Variants in MAP6 observed in about 807,000 individuals in gnomAD.
The protein encoded by MAP6 is microtubule-associated protein 6.
In MAP6, 26 loss-of-function variants were observed where a neutral mutation model predicts 42.4. That is an observed-to-expected ratio of 0.61 (90% CI 0.45 to 0.85). The LOEUF (loss-of-function observed/expected upper bound fraction) is 0.85. Among genes scored for constraint, MAP6 ranks in the 40% least tolerant of loss-of-function variants. MAP6 has a pLI of 0.00. For missense variants in MAP6, 966 were observed against 1,099.0 expected (o/e 0.88, Z 1.71); for synonymous variants, 418 against 443.8 (o/e 0.94, Z 0.73).
chr11:75,624,740 T>C (rs573437206), intron 1 of MAP6, among the ~76,000 whole-genome samples: 29 of 152,244 alleles, frequency 1.9e-4, no homozygotes, highest in African/African-American at 7.0e-4. Flanking sequence ...ATCAGGAGAA[T>C]AGTCATGTTC....
In MAP6 at chr11:75,586,942, A is replaced by G; in HGVS notation, c.*117T>C. 1 of 1,154,986 alleles carries G rather than the reference A, an allele frequency of 8.7e-7. No individual in the cohort carries two copies. The highest frequency in any genetic ancestry group is 2.4e-5 in the East Asian group (1 of 41,336). 71.5% of individuals were successfully genotyped at this position (1,154,986 alleles called of 1,614,324 possible). A position where few individuals can be genotyped will look rare whatever the true frequency, so the allele number is the denominator to read the frequency against. On this transcript the variant is annotated 3_prime_UTR_variant, in exon 4 of 4. Transcript: ENST00000304771. ...CTGAGCCAGAGGGACCATTTTTATT[A>G]GATTCCAGCAAGACTACTGTACATG...
At position 75,605,094 on chromosome 11, in the gene MAP6, A is replaced by T. The variant is rs750034581; in HGVS notation, c.1316+714T>A. 243 of 985,352 alleles carry T rather than the reference A, an allele frequency of 2.5e-4. 1 individual carries two copies. Among genetic ancestry groups the T allele is most frequent in the Non-Finnish European group, 2.9e-4 (237 of 829,960 alleles). The allele number at this position is 985,352 out of a possible 1,614,324, so 61.0% of individuals were successfully genotyped here. On this transcript the variant is annotated intron_variant, in intron 3 of 3. Coordinates refer to ENST00000304771, the MANE Select transcript of MAP6 (RefSeq NM_033063.2). ...CTGTGATCTTCCTATGACAGCTGGA[A>T]TGTACCTAAAACACCTAACCTTCTT...
At chr11:75,607,233 C>A in intron 2 of MAP6, 1 of 985,368 alleles carries the variant, frequency 1.0e-6, no homozygotes, top group Non-Finnish European at 1.2e-6. Flanking sequence ...TGGTCCTGGG[C>A]CAAATAGGAA....
intron 1 of MAP6, among the ~76,000 whole-genome samples, chr11:75,646,681 T>C (rs1181654338): frequency 6.6e-6 from 1 of 151,790 alleles, no homozygotes; most frequent in African/African-American, 2.4e-5. Context: ...ACGCCTGTAA[T>C]CCCAGCTAAT....
chr11:75,647,473 GA>G (rs1943580750), intron 1 of MAP6, among the ~76,000 whole-genome samples: 1 of 151,236 alleles, frequency 6.6e-6, no homozygotes, highest in Non-Finnish European at 1.5e-5. Flanking sequence ...AATCAAAGGA[GA>G]AAATATTAGA....
intron 1 of MAP6, among the ~76,000 whole-genome samples, chr11:75,650,081 G>A (rs1261866564): frequency 2.0e-5 from 3 of 152,128 alleles, no homozygotes; most frequent in Admixed American, 1.3e-4. Flanking sequence ...CAGATCCGTC[G>A]TGCTCCTTCC....
At chr11:75,658,707 T>G (rs1365055677) in intron 1 of MAP6, among the ~76,000 whole-genome samples, 1 of 152,226 alleles carries the variant, frequency 6.6e-6, no homozygotes, top group East Asian at 1.9e-4. Context: ...TACCTCCCTC[T>G]TCTGTCCCTT....
At chr11:75,631,425 A>C (rs1267136038) in intron 1 of MAP6, among the ~76,000 whole-genome samples, 1 of 151,976 alleles carries the variant, frequency 6.6e-6, no homozygotes, top group Admixed American at 6.6e-5. Context: ...AATACAGTAG[A>C]CTTTTTTTTT....
intron 1 of MAP6, among the ~76,000 whole-genome samples, chr11:75,631,278 G>A (rs1437748999): frequency 2.0e-5 from 3 of 152,176 alleles, no homozygotes; most frequent in Non-Finnish European, 4.4e-5. Context: ...ATGAGAAAGG[G>A]CTTATGTTTG....
intron 3 of MAP6, chr11:75,603,011 G>C: frequency 1.0e-6 from 1 of 985,774 alleles, no homozygotes; most frequent in Non-Finnish European, 1.2e-6. Flanking sequence ...ATAGCACCAA[G>C]AGAGGTGTGC....
intron 1 of MAP6, among the ~76,000 whole-genome samples, chr11:75,621,568 G>C (rs767400733): frequency 6.6e-6 from 1 of 152,120 alleles, no homozygotes; most frequent in African/African-American, 2.4e-5. Context: ...ATACAGATTA[G>C]AAAAGAAGAC....
chr11:75,647,291 CT>C (rs1215060237), intron 1 of MAP6, among the ~76,000 whole-genome samples: 2 of 120,562 alleles, frequency 1.7e-5, no homozygotes, highest in East Asian at 5.5e-4. Flanking sequence ...CTGAAACTTA[CT>C]TTTTAATTCT....
intron 3 of MAP6, among the ~76,000 whole-genome samples, chr11:75,590,324 G>A (rs1343117821): frequency 6.6e-6 from 1 of 152,170 alleles, no homozygotes; most frequent in Admixed American, 6.5e-5. Flanking sequence ...AGAAAAAAAA[G>A]GGAGCTTAAC....
rs1942398941 is a variant in MAP6, at chr11:75,588,146, T to G, written c.1355A>C (p.Gln452Pro). 6.2e-7 allele frequency: 1 copy of G among 1,613,528 alleles called. No homozygotes were observed. The highest frequency in any genetic ancestry group is 8.5e-7 in the Non-Finnish European group (1 of 1,179,882). ...GTCTGGCTCTGTGGCTACAGGACCT[T>G]GAGTCTTACTTGAATCACTGACGGG... is the stretch of plus-strand genomic sequence containing the variant. ...AQPVSDSSKT[Q>P]GPVATEPDKD... is the part of the protein sequence containing the mutation. The change falls in exon 4 of 4, where the codon CAA becomes CCA. Residue 452 changes from glutamine (Q) to proline (P), a missense_variant. By Grantham distance (76) the Gln-to-Pro change is moderately conservative. Around this residue, in one of 2 missense-constraint regions of MAP6, gnomAD observed 943 missense variants for 1,049.9 expected, o/e 0.90. Coordinates refer to ENST00000304771, the MANE Select transcript of MAP6 (RefSeq NM_033063.2).
intron 1 of MAP6, among the ~76,000 whole-genome samples, chr11:75,618,354 C>A (rs1943039527): frequency 6.6e-6 from 1 of 152,068 alleles, no homozygotes; most frequent in African/African-American, 2.4e-5. Flanking sequence ...CGCCTGTAAT[C>A]CCAGCACTTT....
chr11:75,661,738 CTT>C (rs1943850315), intron 1 of MAP6, among the ~76,000 whole-genome samples: 1 of 151,958 alleles, frequency 6.6e-6, no homozygotes, highest in African/African-American at 2.4e-5. Flanking sequence ...AATGATAAAA[CTT>C]TAGAAACTTT....
chr11:75,625,553 G>T (rs1439134654), intron 1 of MAP6, among the ~76,000 whole-genome samples: 1 of 152,092 alleles, frequency 6.6e-6, no homozygotes, highest in African/African-American at 2.4e-5. Flanking sequence ...GAAAACCAAA[G>T]CCCAGAGAGG....
Position 75,587,462 on chromosome 11 carries a change from ACTGGC to A in MAP6, c.2034_2038del (p.Pro679GlnfsTer45). On this transcript the variant is annotated frameshift_variant, in exon 4 of 4. Transcript: ENST00000304771. LOFTEE classifies it low-confidence loss of function (END_TRUNC). ...TGGGACTACAACATCTTGATCCTTGACTGGCCCTGAGACCACTAAACCTTGATTCT... is the reference window on the plus strand; with the variant it reads ...TGGGACTACAACATCTTGATCCTTGACCTGAGACCACTAAACCTTGATTCT... 3 of 1,614,168 alleles carry A rather than the reference ACTGGC, an allele frequency of 1.9e-6. No individual in the cohort carries two copies. The highest frequency in any genetic ancestry group is 2.5e-6 in the Non-Finnish European group (3 of 1,180,028).
intron 1 of MAP6, among the ~76,000 whole-genome samples, chr11:75,660,266 A>G (rs1943820770): frequency 6.6e-6 from 1 of 152,184 alleles, no homozygotes; most frequent in South Asian, 2.1e-4. Flanking sequence ...CTTTCACAGG[A>G]AGTGAAACAT....
Sources: gnomAD v4.1 joint callset for allele counts (sites outside exome capture counted in the v4.1 genomes callset) on GRCh38, gnomAD v4.1.1 for gene constraint, gnomAD v4.1.1 regional missense constraint, MANE v1.5 for transcripts, NCBI Gene and HGNC (gene_info 2026-07-23, HGNC 2026-07-21) for gene names.